The following MACROD2 variants were observed in gnomAD, a reference collection of about 807,000 sequenced individuals.
MACROD2 encodes ADP-ribose glycohydrolase MACROD2.
In MACROD2, 36 loss-of-function variants were observed where a neutral mutation model predicts 70.4. The ratio of observed to expected loss-of-function variants is 0.51; its 90% CI spans 0.39 to 0.68. The LOEUF (loss-of-function observed/expected upper bound fraction) is 0.68, where lower values mean the gene tolerates loss of function less well. Among genes scored for constraint, MACROD2 ranks in the 30% least tolerant of loss-of-function variants. The pLI is 0.00. For synonymous variants in MACROD2, 172 were observed against 178.8 expected, an observed-to-expected ratio of 0.96 and a Z score of 0.30; for missense variants, 496 against 538.4, an observed-to-expected ratio of 0.92 and a Z score of 0.78.
intron 5 of MACROD2, among the ~76,000 whole-genome samples, chr20:14,742,956 C>T (rs1376867017): frequency 4.6e-5 from 7 of 151,512 alleles, no homozygotes; most frequent in South Asian, 4.2e-4. Flanking sequence ...TTAGTAGAGA[C>T]GGGGTTTCAC....
At chr20:14,410,308 G>A (rs2083736481) in intron 3 of MACROD2, among the ~76,000 whole-genome samples, 1 of 147,638 alleles carries the variant, frequency 6.8e-6, no homozygotes. Context: ...ACTGGGGTTT[G>A]TTGTACAAAT....
intron 8 of MACROD2, among the ~76,000 whole-genome samples, chr20:15,791,699 A>C (rs2063626241): frequency 6.6e-6 from 1 of 152,072 alleles, no homozygotes; most frequent in Non-Finnish European, 1.5e-5. Context: ...GAAAAGTAAA[A>C]TGCCTGGTAT....
chr20:15,619,755 G>A (rs956489714), intron 8 of MACROD2: 1 of 184,226 alleles, frequency 5.4e-6, no homozygotes, highest in African/African-American at 2.4e-5. Context: ...CACTGTCTCA[G>A]GGAGAGTACA....
intron 8 of MACROD2, among the ~76,000 whole-genome samples, chr20:15,693,165 A>G (rs529597570): frequency 4.6e-5 from 7 of 152,296 alleles, no homozygotes; most frequent in African/African-American, 1.4e-4. Context: ...TCTTTATAGC[A>G]GTGTGAAAAT....
At chr20:15,549,578 A>G (rs932630021) in intron 8 of MACROD2, among the ~76,000 whole-genome samples, 1 of 152,206 alleles carries the variant, frequency 6.6e-6, no homozygotes, top group Non-Finnish European at 1.5e-5. Flanking sequence ...ATAATTCAAC[A>G]CAGACAGAGG....
intron 6 of MACROD2, among the ~76,000 whole-genome samples, chr20:15,344,888 A>C (rs1423381484): frequency 6.6e-6 from 1 of 152,212 alleles, no homozygotes; most frequent in Non-Finnish European, 1.5e-5. Flanking sequence ...TTAGTTGGTC[A>C]GGCTGCTGTA....
At chr20:15,352,579 C>A (rs1461284324) in intron 6 of MACROD2, among the ~76,000 whole-genome samples, 8 of 152,010 alleles carry the variant, frequency 5.3e-5, no homozygotes, top group Admixed American at 3.3e-4. Context: ...TGCCATTTTA[C>A]ATATTTTTAA....
At chr20:15,920,599 C>T (rs1568641229) in intron 10 of MACROD2, among the ~76,000 whole-genome samples, 1 of 152,106 alleles carries the variant, frequency 6.6e-6, no homozygotes, top group African/African-American at 2.4e-5. Context: ...GCCAGAATGT[C>T]CCCCTTGTTC....
chr20:14,157,106 A>G (rs1226027021), intron 3 of MACROD2, among the ~76,000 whole-genome samples: 1 of 152,190 alleles, frequency 6.6e-6, no homozygotes, highest in Non-Finnish European at 1.5e-5. Context: ...GGGCAAAATT[A>G]AACTACAAAG....
intron 8 of MACROD2, among the ~76,000 whole-genome samples, chr20:15,546,651 CAGA>C (rs994228716): frequency 2.3e-4 from 35 of 152,168 alleles, no homozygotes; most frequent in African/African-American, 8.0e-4. Flanking sequence ...GTGAGGGAGA[CAGA>C]GGAGCTTTTG....
intron 5 of MACROD2, among the ~76,000 whole-genome samples, chr20:14,964,520 C>A (rs1241912681): frequency 6.6e-6 from 1 of 151,786 alleles, no homozygotes; most frequent in Non-Finnish European, 1.5e-5. Flanking sequence ...TTGCAGTGAG[C>A]CGAGATCGCG....
rs542249613 is a variant in MACROD2 at position 14,879,692 on chromosome 20, G to T, written c.418+194733G>T. Among the ~76,000 whole-genome samples, 281 of 152,226 alleles carry T rather than the reference G, an allele frequency of 1.8e-3. 2 individuals carry two copies. The highest frequency in any genetic ancestry group is 6.5e-3 in the African/African-American group (270 of 41,554). On this transcript the variant is annotated intron_variant, in intron 5 of 17. Coordinates refer to ENST00000684519, the MANE Select transcript of MACROD2 (RefSeq NM_001351661.2). ...ATCACAAACTGTTGAGTTAATGGTG[G>T]CATATATAGAGTATAGCTCTGATTC...
intron 3 of MACROD2, among the ~76,000 whole-genome samples, chr20:14,225,722 A>T (rs191578023): frequency 2.6e-5 from 4 of 152,226 alleles, no homozygotes; most frequent in Non-Finnish European, 5.9e-5. Context: ...ATGAGATTCC[A>T]TATGGATATT....
chr20:15,612,726 A>T (rs2048986494), intron 8 of MACROD2, among the ~76,000 whole-genome samples: 1 of 152,226 alleles, frequency 6.6e-6, no homozygotes, highest in African/African-American at 2.4e-5. Flanking sequence ...AGTCGTTTTT[A>T]AAATGGTCTG....
intron 5 of MACROD2, among the ~76,000 whole-genome samples, chr20:14,747,645 G>C (rs775083757): frequency 2.0e-5 from 3 of 152,052 alleles, no homozygotes; most frequent in Non-Finnish European, 4.4e-5. Flanking sequence ...TGCCCCTGAG[G>C]CTCTTGCTCG....
intron 4 of MACROD2, among the ~76,000 whole-genome samples, chr20:14,560,340 G>C (rs989119481): frequency 6.0e-4 from 38 of 62,986 alleles, no homozygotes; most frequent in Admixed American, 1.2e-3. Flanking sequence ...CACACACACA[G>C]GTGCACGCAT....
intron 2 of MACROD2, among the ~76,000 whole-genome samples, chr20:14,050,512 A>G (rs1253495345): frequency 1.3e-5 from 2 of 152,152 alleles, no homozygotes; most frequent in Non-Finnish European, 2.9e-5. Flanking sequence ...ACAGACGTGT[A>G]GATCTATAGG....
At chr20:15,498,932 T>C (rs1206498673) in intron 7 of MACROD2, among the ~76,000 whole-genome samples, 1 of 152,188 alleles carries the variant, frequency 6.6e-6, no homozygotes, top group Non-Finnish European at 1.5e-5. Flanking sequence ...AGGAAGGCAG[T>C]GGTGAGCTCA....
chr20:14,083,557 A>G (rs2148667948), intron 2 of MACROD2, among the ~76,000 whole-genome samples: 1 of 152,316 alleles, frequency 6.6e-6, no homozygotes, highest in South Asian at 2.1e-4. Context: ...CCCAGCTGTT[A>G]ACTGGCAGAA....
Sources: allele counts gnomAD v4.1 joint callset (sites outside exome capture counted in the v4.1 genomes callset), GRCh38; gene constraint gnomAD v4.1.1; transcripts MANE v1.5; gene names NCBI Gene and HGNC (gene_info 2026-07-23, HGNC 2026-07-21).